Variants in CNTN6 observed in about 807,000 individuals in gnomAD.
The protein encoded by CNTN6 is contactin 6, also known as contactin-6.
Under a neutral mutation model 122.8 loss-of-function variants are expected in CNTN6, and 137 were observed. That is an observed-to-expected ratio of 1.12 (90% CI 0.97 to 1.29). The LOEUF (loss-of-function observed/expected upper bound fraction) is 1.29. CNTN6 is among the 50% of genes most tolerant of loss of function. CNTN6 has a pLI of 0.00. For synonymous variants in CNTN6, 570 were observed against 426.0 expected (o/e 1.34, Z -4.16); for missense variants, 1,634 against 1,223.4 (o/e 1.34, Z -5.01).
chr3:1,250,156 C>G (rs1414142196), intron 4 of CNTN6, among the ~76,000 whole-genome samples: 4 of 152,020 alleles, frequency 2.6e-5, no homozygotes, highest in African/African-American at 7.2e-5. Flanking sequence ...TCCAGTAAGC[C>G]AAAATATGGG....
Position 1,374,092 on chromosome 3 carries a change from C to G in CNTN6, c.2095+19C>G. 6.2e-7 allele frequency: 1 copy of G among 1,606,986 alleles called. No individual in the cohort carries two copies. The highest frequency in any genetic ancestry group is 8.5e-7 in the Non-Finnish European group (1 of 1,175,400). ...GCATCAGGTAAAGAATCAATGTGTT[C>G]TAAAAGTGTGGAAGATTTCGTATGA... On this transcript the variant is annotated intron_variant, in intron 16 of 22. Coordinates refer to ENST00000446702, the MANE Select transcript of CNTN6 (RefSeq NM_001289080.2).
At chr3:1,249,314 C>T (rs1032164740) in intron 4 of CNTN6, among the ~76,000 whole-genome samples, 4 of 152,152 alleles carry the variant, frequency 2.6e-5, no homozygotes, top group African/African-American at 9.7e-5. Context: ...TATTAAGCAC[C>T]TACCATATGT....
intron 17 of CNTN6, among the ~76,000 whole-genome samples, chr3:1,382,669 T>TC (rs1359566156): frequency 2.0e-5 from 3 of 152,322 alleles, no homozygotes; most frequent in East Asian, 3.9e-4. Context: ...GTTTTATTAT[T>TC]ATAATTTATG....
intron 4 of CNTN6, among the ~76,000 whole-genome samples, chr3:1,244,671 A>G (rs1346241735): frequency 6.6e-6 from 1 of 152,196 alleles, no homozygotes; most frequent in Non-Finnish European, 1.5e-5. Flanking sequence ...TGTGTGAGCA[A>G]TAAAGCTGTT....
intron 20 of CNTN6, among the ~76,000 whole-genome samples, chr3:1,396,936 G>T (rs758683174): frequency 6.6e-5 from 10 of 152,190 alleles, no homozygotes; most frequent in Non-Finnish European, 8.8e-5. Context: ...TCACTGTCTA[G>T]ATTTGTAATC....
chr3:1,110,951 T>G (rs1346476813), intron 1 of CNTN6, among the ~76,000 whole-genome samples: 1 of 152,180 alleles, frequency 6.6e-6, no homozygotes, highest in African/African-American at 2.4e-5. Flanking sequence ...TGAATACTTG[T>G]CAGATGAACC....
chr3:1,134,948 G>T (rs1474804603), intron 1 of CNTN6, among the ~76,000 whole-genome samples: 1 of 152,040 alleles, frequency 6.6e-6, no homozygotes, highest in African/African-American at 2.4e-5. Flanking sequence ...GTCAGTGGGT[G>T]AATTTCTTTG....
intron 7 of CNTN6, among the ~76,000 whole-genome samples, chr3:1,300,449 C>CAGGAAGGA (rs72054486): frequency 0.084 from 9,595 of 114,278 alleles, 450 homozygotes; most frequent in South Asian, 0.13. Context: ...AGGGTCAGTT[C>CAGGAAGGA]AGGAAGGAAG....
At chr3:1,373,020 T>C (rs1186263940) in intron 14 of CNTN6, 65 bp downstream of exon 14, 1 of 929,592 alleles carries the variant, frequency 1.1e-6, no homozygotes, top group Non-Finnish European at 1.7e-6. Context: ...CATATCTAAA[T>C]TGTAGACCTC....
intron 2 of CNTN6, among the ~76,000 whole-genome samples, chr3:1,160,534 C>T (rs1249230252): frequency 6.6e-6 from 1 of 151,106 alleles, no homozygotes; most frequent in East Asian, 1.9e-4. Flanking sequence ...TTACAGCCTG[C>T]CTTTCCATTC....
chr3:1,397,751 C>G (rs546473789), intron 20 of CNTN6, among the ~76,000 whole-genome samples: 1 of 152,068 alleles, frequency 6.6e-6, no homozygotes, highest in African/African-American at 2.4e-5. Context: ...ACTTTGTACT[C>G]GATTCTTTCT....
chr3:1,147,886 T>G, intron 1 of CNTN6, 41 bp from the exon 2 acceptor site: 1 of 636,260 alleles, frequency 1.6e-6, no homozygotes, highest in Non-Finnish European at 2.9e-6. Context: ...AATATTCGTG[T>G]TTGTACGTTT....
intron 20 of CNTN6, among the ~76,000 whole-genome samples, chr3:1,391,706 G>C (rs1694176083): frequency 6.7e-6 from 1 of 150,136 alleles, no homozygotes; most frequent in African/African-American, 2.5e-5. Flanking sequence ...CTTCAGCAAA[G>C]TCTCAGGATA....
chr3:1,094,629 T>A (rs1288687770), intron 1 of CNTN6, among the ~76,000 whole-genome samples: 3 of 152,122 alleles, frequency 2.0e-5, no homozygotes, highest in East Asian at 3.9e-4. Context: ...GTAGCTTTCC[T>A]TAATGAAAAC....
In CNTN6 at chr3:1,245,295, CATATATAT is replaced by C. The variant is rs71056326; in HGVS notation, c.358+17336_358+17343del. Reference sequence around the variant, plus strand: ...TATATACACACACATATATATATAACATATATATATATATATATATATATATATATATA... The same window carrying C: ...TATATACACACACATATATATATAACATATATATATATATATATATATATA... On this transcript the variant is annotated intron_variant, in intron 4 of 22. Coordinates refer to ENST00000446702, the MANE Select transcript of CNTN6 (RefSeq NM_001289080.2). Among the ~76,000 whole-genome samples, 28 of 3,800 alleles carry C rather than the reference CATATATAT, an allele frequency of 7.4e-3. 2 individuals carry two copies. The highest frequency in any genetic ancestry group is 0.021 in the African/African-American group (21 of 1,016). 2.5% of individuals were successfully genotyped at this position (3,800 alleles called of 152,430 possible).
intron 2 of CNTN6, among the ~76,000 whole-genome samples, chr3:1,157,229 A>AATTTT (rs879516738): frequency 0.18 from 25,202 of 142,794 alleles, 2,736 homozygotes; most frequent in African/African-American, 0.32. Flanking sequence ...TAATTTATTT[A>AATTTT]TTTATTTATG....
chr3:1,279,806 A>G (rs979854774), intron 5 of CNTN6, among the ~76,000 whole-genome samples: 2 of 152,210 alleles, frequency 1.3e-5, no homozygotes, highest in East Asian at 1.9e-4. Context: ...TTTTTACACA[A>G]CCTCATGAAT....
chr3:1,288,794 C>G (rs1412333203), intron 5 of CNTN6, among the ~76,000 whole-genome samples: 2 of 152,028 alleles, frequency 1.3e-5, no homozygotes, highest in African/African-American at 4.8e-5. Flanking sequence ...TATTACAGTA[C>G]AAGATATAGG....
Position 1,321,811 on chromosome 3 carries a change from C to T in CNTN6, c.923C>T (p.Ala308Val). ...IASNLRGRNL[A>V]KGQLIFYAPP... ...AGCAACCTTCGAGGAAGAAACCTTGCAAAGGGTCAACTCATTTTTTATGGT... is the reference window on the plus strand; with the variant it reads ...AGCAACCTTCGAGGAAGAAACCTTGTAAAGGGTCAACTCATTTTTTATGGT... Residue 308 changes from alanine (A) to valine (V), a missense_variant, in exon 8 of 23, where the codon GCA (alanine) becomes GTA (valine). By Grantham distance (64) the Ala-to-Val change is moderately conservative. Coordinates refer to ENST00000446702, the MANE Select transcript of CNTN6 (RefSeq NM_001289080.2). 1 of 1,607,508 alleles carries T rather than the reference C, an allele frequency of 6.2e-7. No homozygotes were observed.
Sources: allele counts gnomAD v4.1 joint callset (sites outside exome capture counted in the v4.1 genomes callset), GRCh38; gene constraint gnomAD v4.1.1; transcripts MANE v1.5; gene names NCBI Gene and HGNC (gene_info 2026-07-23, HGNC 2026-07-21).